Variants in SDK1 observed in about 807,000 individuals in gnomAD.
SDK1 encodes the protein sidekick cell adhesion molecule 1.
Under a neutral mutation model 245.5 loss-of-function variants are expected in SDK1, and 157 were observed. The observed-to-expected ratio is 0.64, with a 90% CI of 0.56 to 0.73. The LOEUF (loss-of-function observed/expected upper bound fraction) is 0.73, where lower values mean the gene tolerates loss of function less well. Ranked by LOEUF, SDK1 falls within the 30% of genes least tolerant of loss-of-function variation. SDK1 has a pLI of 0.00. For synonymous variants in SDK1, 1,647 were observed against 1,278.5 expected (o/e 1.29, Z -6.15); for missense variants, 3,583 against 3,002.3 (o/e 1.19, Z -4.52).
chr7:3,543,138 T>G (rs973426992), intron 1 of SDK1, among the ~76,000 whole-genome samples: 2 of 152,262 alleles, frequency 1.3e-5, no homozygotes, highest in African/African-American at 4.8e-5. Flanking sequence ...TAACGGAGGT[T>G]ATGCATCATT....
chr7:3,810,702 T>A (rs1431690578), intron 4 of SDK1, among the ~76,000 whole-genome samples: 1 of 152,222 alleles, frequency 6.6e-6, no homozygotes, highest in African/African-American at 2.4e-5. Flanking sequence ...TCCCTCCTAC[T>A]AGACAGCATC....
At chr7:3,889,243 G>A (rs763844587) in intron 5 of SDK1, among the ~76,000 whole-genome samples, 1 of 152,198 alleles carries the variant, frequency 6.6e-6, no homozygotes, top group African/African-American at 2.4e-5. Flanking sequence ...TTTATACTCA[G>A]ATAGACTCCT....
At chr7:4,152,597 T>C (rs1780458790) in intron 30 of SDK1, among the ~76,000 whole-genome samples, 1 of 152,188 alleles carries the variant, frequency 6.6e-6, no homozygotes, top group South Asian at 2.1e-4. Flanking sequence ...ACAGTTTAAT[T>C]TGGTATAGGA....
chr7:3,314,748 G>A (rs1779625600), intron 1 of SDK1, among the ~76,000 whole-genome samples: 1 of 152,128 alleles, frequency 6.6e-6, no homozygotes. Context: ...ATACTTCATA[G>A]CAATTAAAAT....
At chr7:4,181,110 T>C (rs1048844048) in intron 35 of SDK1, among the ~76,000 whole-genome samples, 2 of 152,196 alleles carry the variant, frequency 1.3e-5, no homozygotes, top group Admixed American at 1.3e-4. Flanking sequence ...CTTTTCCCTC[T>C]TTTCCCATCC....
chr7:3,647,227 G>A (rs1371406307), intron 4 of SDK1, among the ~76,000 whole-genome samples: 1 of 152,172 alleles, frequency 6.6e-6, no homozygotes, highest in Non-Finnish European at 1.5e-5. Context: ...GTCTAGCCTG[G>A]ATGGTAAAGT....
intron 5 of SDK1, among the ~76,000 whole-genome samples, chr7:3,873,732 A>T (rs945768838): frequency 6.6e-6 from 1 of 152,184 alleles, no homozygotes; most frequent in East Asian, 1.9e-4. Context: ...TGAGCCCATC[A>T]AAAGCATTTT....
At chr7:3,568,535 T>G (rs1380287645) in intron 1 of SDK1, among the ~76,000 whole-genome samples, 3 of 152,154 alleles carry the variant, frequency 2.0e-5, no homozygotes, top group Non-Finnish European at 4.4e-5. Context: ...ATTCCCTCCT[T>G]CCCCCTTGGT....
chr7:4,000,647 A>G (rs1467742420), intron 14 of SDK1, among the ~76,000 whole-genome samples: 1 of 152,208 alleles, frequency 6.6e-6, no homozygotes, highest in Non-Finnish European at 1.5e-5. Flanking sequence ...TGTTGCTATT[A>G]TGGACTTAAA....
rs146600379 is a variant in SDK1 at position 3,951,429 on chromosome 7, C to T, written c.960-301C>T. Among the ~76,000 whole-genome samples the T allele has an allele frequency of 1.2e-4, 18 of 152,294 alleles. No homozygotes were observed. In the East Asian group the frequency reaches 3.5e-3, roughly 29 times the overall value. On this transcript the variant is annotated intron_variant, in intron 6 of 44. Transcript: ENST00000404826. ...GATCCCGCCTTCCATGTCGTTGTGT[C>T]CCCTCACAGTATTTATTTTAAACAT...
chr7:3,850,323 G>A (rs1562489324), intron 5 of SDK1, among the ~76,000 whole-genome samples: 3 of 152,194 alleles, frequency 2.0e-5, no homozygotes, highest in Non-Finnish European at 4.4e-5. Flanking sequence ...TGGAAAGCAT[G>A]TGTAACGTTG....
At chr7:3,527,763 T>C (rs977483731) in intron 1 of SDK1, among the ~76,000 whole-genome samples, 1 of 144,974 alleles carries the variant, frequency 6.9e-6, no homozygotes, top group Admixed American at 6.9e-5. Context: ...AGGGGGTGAG[T>C]AGTGGTAGGT....
intron 1 of SDK1, among the ~76,000 whole-genome samples, chr7:3,533,889 AAAAC>A (rs1185443354): frequency 6.6e-6 from 1 of 152,136 alleles, no homozygotes; most frequent in Non-Finnish European, 1.5e-5. Context: ...ATTTATTAAA[AAAAC>A]TGTTATTTTC....
At chr7:3,677,415 A>C (rs562263416) in intron 4 of SDK1, among the ~76,000 whole-genome samples, 1 of 152,336 alleles carries the variant, frequency 6.6e-6, no homozygotes, top group African/African-American at 2.4e-5. Flanking sequence ...GAGGCCTCAC[A>C]ATCATGGCTG....
chr7:4,103,649 T>A (rs1659994984), intron 22 of SDK1, among the ~76,000 whole-genome samples: 1 of 152,236 alleles, frequency 6.6e-6, no homozygotes, highest in Non-Finnish European at 1.5e-5. Context: ...ATTTGTAAAT[T>A]CGTTAATGCA....
rs751244109 is a variant in SDK1, at chr7:3,821,583, A to C, written c.847A>C (p.Arg283=). Reference sequence around the variant, plus strand: ...CCCATTCATTCATTTGAGCATAGCAAGTGAGTTTTGAAATCCCAAATGGTA... The same window carrying C: ...CCCATTCATTCATTTGAGCATAGCACGTGAGTTTTGAAATCCCAAATGGTA... ...TSPFIHLSIA[R]DVGTPETMAP... is the part of the protein sequence containing the mutation. The change falls in exon 5 of 45, where the codon AGA becomes CGA. Residue 283 remains arginine (R), a splice_region_variant and synonymous_variant. Coordinates refer to ENST00000404826, the MANE Select transcript of SDK1 (RefSeq NM_152744.4). 1.4e-5 allele frequency: 23 copies of C among 1,612,178 alleles called. No homozygotes were observed. The highest frequency in any genetic ancestry group is 2.2e-5 in the South Asian group (2 of 90,548).
At chr7:3,979,017 C>T (rs991328933) in intron 13 of SDK1, among the ~76,000 whole-genome samples, 7 of 152,202 alleles carry the variant, frequency 4.6e-5, no homozygotes, top group East Asian at 1.9e-4. Context: ...AGTGGAGGGG[C>T]GGCCCCCACA....
In SDK1 at chr7:3,843,254, T is replaced by C. The variant is rs551194678; in HGVS notation, c.847+21671T>C. 2.6e-5 allele frequency among the ~76,000 whole-genome samples: 4 copies of C among 152,248 alleles called. 1 individual carries two copies. In the South Asian group the frequency reaches 6.2e-4, roughly 24 times the overall value. On this transcript the variant is annotated intron_variant, in intron 5 of 44. Transcript: ENST00000404826. ...CTTTCCTCAACTGTTTGTAAACTTA[T>C]ATTAGCTTCAGAATTCTGCATAACG...
intron 1 of SDK1, among the ~76,000 whole-genome samples, chr7:3,309,573 G>A (rs1388193628): frequency 1.4e-5 from 2 of 142,868 alleles, no homozygotes; most frequent in Non-Finnish European, 3.0e-5. Context: ...CCCAAAGGGA[G>A]CAAGTTTCCA....
Sources: allele counts gnomAD v4.1 joint callset (sites outside exome capture counted in the v4.1 genomes callset), GRCh38; gene constraint gnomAD v4.1.1; transcripts MANE v1.5; gene names NCBI Gene and HGNC (gene_info 2026-07-23, HGNC 2026-07-21).